PKD2L2: variants seen among roughly 807,000 people sequenced by gnomAD.
PKD2L2 encodes the protein polycystin 2 like 2, transient receptor potential cation channel.
PKD2L2 carries 67 observed loss-of-function variants against 83.9 expected under a neutral mutation model. The observed-to-expected ratio is 0.80, with a 90% confidence interval of 0.66 to 0.98. The LOEUF (loss-of-function observed/expected upper bound fraction) is 0.98, where lower values mean the gene tolerates loss of function less well. Ranked by LOEUF, PKD2L2 falls within the 50% of genes least tolerant of loss-of-function variation. The pLI is 0.00. For synonymous variants in PKD2L2, 223 were observed against 237.8 expected (o/e 0.94, Z 0.57); for missense variants, 632 against 717.2 (o/e 0.88, Z 1.36).
chr5:137,904,979 C>T (rs988625870), intron 5 of PKD2L2, among the ~76,000 whole-genome samples: 2 of 152,174 alleles, frequency 1.3e-5, no homozygotes, highest in Non-Finnish European at 2.9e-5. Context: ...TTTTAAAGTT[C>T]TCTCAGAAAA....
intron 5 of PKD2L2, among the ~76,000 whole-genome samples, chr5:137,901,148 AAG>A (rs1039485342): frequency 1.1e-4 from 16 of 151,174 alleles, no homozygotes; most frequent in Admixed American, 2.0e-4. Context: ...AAAAAAAAAA[AAG>A]AAAGAAAGAA....
At chr5:137,909,648 A>T (rs1757652628) in intron 8 of PKD2L2, among the ~76,000 whole-genome samples, 1 of 148,986 alleles carries the variant, frequency 6.7e-6, no homozygotes, top group Non-Finnish European at 1.5e-5. Flanking sequence ...GGGCTCAAGC[A>T]GTCCTCCCAC....
intron 9 of PKD2L2, 33 bp downstream of exon 9, chr5:137,921,789 C>T (rs1289375203): frequency 1.3e-6 from 2 of 1,484,216 alleles, no homozygotes; most frequent in South Asian, 1.2e-5. Context: ...TCATTTCTTA[C>T]TTTTTAGAAT....
At position 137,890,461 on chromosome 5, in the gene PKD2L2, T is replaced by A; in HGVS notation, c.32-20T>A. The A allele has an allele frequency of 7.2e-7, 1 of 1,380,486 alleles. No homozygotes were observed. The highest frequency in any genetic ancestry group is 1.0e-6 in the Non-Finnish European group (1 of 992,584). The allele number at this position is 1,380,486 out of a possible 1,614,324, so 85.5% of individuals were successfully genotyped here. On this transcript the variant is annotated intron_variant, in intron 1 of 14. Transcript: ENST00000508883. ...AATTACATAATAATGTAAAGAAAAA[T>A]TTTGTCTTATATCTCACAGGGGCTT...
intron 14 of PKD2L2, chr5:137,940,009 GAC>G (rs1761164889): frequency 8.1e-6 from 13 of 1,604,334 alleles, no homozygotes; most frequent in Non-Finnish European, 8.5e-6. Context: ...AGGTGGAGAG[GAC>G]AGTCTGTGGT....
intron 12 of PKD2L2, among the ~76,000 whole-genome samples, chr5:137,927,573 G>A (rs2150053168): frequency 6.6e-6 from 1 of 152,322 alleles, no homozygotes; most frequent in African/African-American, 2.4e-5. Context: ...AATAATCTAT[G>A]AATATTAATT....
chr5:137,900,199 TCTC>T (rs1756832762), intron 5 of PKD2L2, among the ~76,000 whole-genome samples: 2 of 152,238 alleles, frequency 1.3e-5, no homozygotes, highest in African/African-American at 2.4e-5. Context: ...TTTGTAGCCA[TCTC>T]CTGTTGCTAT....
At position 137,908,836 on chromosome 5, in the gene PKD2L2, CAT is replaced by C. The variant is rs1427302999; in HGVS notation, c.1220_1221del (p.Ile407SerfsTer27). 130 of 1,591,936 alleles carry C rather than the reference CAT, an allele frequency of 8.2e-5. No homozygotes were observed. The highest frequency in any genetic ancestry group is 1.1e-4 in the Non-Finnish European group (126 of 1,160,614). On this transcript the variant is annotated frameshift_variant, in exon 8 of 15. Coordinates refer to ENST00000508883, the MANE Select transcript of PKD2L2 (RefSeq NM_001300921.2). LOFTEE classifies it high-confidence loss of function. Reference sequence around the variant, plus strand: ...CAACCTTGTCCCGTTGTGTTAAAGACATAGTAGGATTTGCCATCATGTTTTTT... The same window carrying C: ...CAACCTTGTCCCGTTGTGTTAAAGACAGTAGGATTTGCCATCATGTTTTTT... The part of the protein sequence containing the change: ...SSTLSRCVKD[I>X]VGFAIMFFII...
At chr5:137,917,474 C>A (rs1396745371) in intron 8 of PKD2L2, among the ~76,000 whole-genome samples, 1 of 152,048 alleles carries the variant, frequency 6.6e-6, no homozygotes, top group Non-Finnish European at 1.5e-5. Flanking sequence ...CACTTTTCTT[C>A]TTTTTTCTGT....
At chr5:137,941,569 T>C (rs942638960) in intron 14 of PKD2L2, among the ~76,000 whole-genome samples, 2 of 152,142 alleles carry the variant, frequency 1.3e-5, no homozygotes, top group African/African-American at 4.8e-5. Context: ...ATGGTCTCAG[T>C]ATAAAATAAA....
chr5:137,942,421 G>C lies in PKD2L2; in HGVS notation c.*55G>C. On this transcript the variant is annotated 3_prime_UTR_variant, in exon 15 of 15. Transcript: ENST00000508883. ...ACTCTGTCGCCCAGGCTGGAACAGC[G>C]GTGCGACAGTGGCCTCAACATCCTC... 1 of 224,514 alleles carries C rather than the reference G, an allele frequency of 4.5e-6. No homozygotes were observed. The highest frequency in any genetic ancestry group is 9.0e-5 in the South Asian group (1 of 11,110). 13.9% of individuals were successfully genotyped at this position (224,514 alleles called of 1,614,324 possible).
chr5:137,921,702 C>T lies in PKD2L2; in HGVS notation c.1395C>T (p.Ile465=). Reference sequence around the variant, plus strand: ...CTGGTATTCAGCAAGCCAATCCTATCTTGGGACCCATTTACTTCATCACTT... The same window carrying T: ...CTGGTATTCAGCAAGCCAATCCTATTTTGGGACCCATTTACTTCATCACTT... ...NFAGIQQANP[I]LGPIYFITFI... is the part of the protein sequence containing the mutation. Residue 465 remains isoleucine, a synonymous_variant, in exon 9 of 15, where the codon ATC becomes ATT. Transcript: ENST00000508883. The T allele has an allele frequency of 2.5e-6, 4 of 1,609,314 alleles. No homozygotes were observed. In the South Asian group the frequency reaches 4.4e-5, roughly 18 times the overall value.
intron 12 of PKD2L2, among the ~76,000 whole-genome samples, chr5:137,930,079 A>G (rs531362160): frequency 6.6e-6 from 1 of 152,328 alleles, no homozygotes; most frequent in African/African-American, 2.4e-5. Flanking sequence ...AAAAAAAACA[A>G]AGAACAGATC....
intron 9 of PKD2L2, among the ~76,000 whole-genome samples, chr5:137,922,120 G>A (rs1234303300): frequency 6.6e-6 from 1 of 152,216 alleles, no homozygotes; most frequent in Non-Finnish European, 1.5e-5. Context: ...CACTTACCAC[G>A]TTGTGGTTTT....
intron 8 of PKD2L2, among the ~76,000 whole-genome samples, chr5:137,919,492 A>G (rs1355181762): frequency 6.8e-6 from 1 of 147,380 alleles, no homozygotes; most frequent in African/African-American, 2.5e-5. Context: ...AGAGGAGAAA[A>G]GAATGAGAAT....
At chr5:137,940,634 A>T (rs999424820) in intron 14 of PKD2L2, 2 of 305,374 alleles carry the variant, frequency 6.5e-6, no homozygotes, top group Non-Finnish European at 1.2e-5. Flanking sequence ...ATCCAGTGCT[A>T]GACTCTGCCA....
At chr5:137,927,332 T>C (rs1759457557) in intron 12 of PKD2L2, among the ~76,000 whole-genome samples, 1 of 152,192 alleles carries the variant, frequency 6.6e-6, no homozygotes, top group Admixed American at 6.5e-5. Context: ...AATCTTAACC[T>C]AAATCATGAC....
chr5:137,937,087 A>G (rs1760500176), intron 14 of PKD2L2, among the ~76,000 whole-genome samples: 1 of 152,232 alleles, frequency 6.6e-6, no homozygotes, highest in Non-Finnish European at 1.5e-5. Flanking sequence ...AAAACTATTG[A>G]TGCTATCAAG....
At chr5:137,929,402 G>C (rs555032499) in intron 12 of PKD2L2, among the ~76,000 whole-genome samples, 1 of 151,180 alleles carries the variant, frequency 6.6e-6, no homozygotes, top group Non-Finnish European at 1.5e-5. Flanking sequence ...CGGAGGTTGC[G>C]GTGAGCCGAG....
Sources: gnomAD v4.1 joint callset for allele counts (sites outside exome capture counted in the v4.1 genomes callset) on GRCh38, gnomAD v4.1.1 for gene constraint, MANE v1.5 for transcripts, NCBI Gene and HGNC (gene_info 2026-07-23, HGNC 2026-07-21) for gene names.